FAM184A: variants seen among roughly 807,000 people sequenced by gnomAD.
The protein encoded by FAM184A is family with sequence similarity 184 member A, also known as protein FAM184A.
In FAM184A, 99 loss-of-function variants were observed where a neutral mutation model predicts 143.8. That is an observed-to-expected ratio of 0.69 (90% confidence interval 0.58 to 0.81). The LOEUF is 0.81. Ranked by LOEUF, FAM184A falls within the 40% of genes least tolerant of loss-of-function variation. FAM184A has a pLI of 0.00. For missense variants in FAM184A, 1,217 were observed against 1,310.5 expected, an observed-to-expected ratio of 0.93 and a Z score of 1.10; for synonymous variants, 427 against 446.4, an observed-to-expected ratio of 0.96 and a Z score of 0.55.
intron 1 of FAM184A, among the ~76,000 whole-genome samples, chr6:119,099,482 T>G (rs1788588548): frequency 6.6e-6 from 1 of 151,794 alleles, no homozygotes; most frequent in Non-Finnish European, 1.5e-5. Context: ...CTAAGAGGAG[T>G]CCCTGCTCCA....
chr6:119,144,611 C>G (rs1247160625), intron 1 of FAM184A, among the ~76,000 whole-genome samples: 2 of 152,218 alleles, frequency 1.3e-5, no homozygotes, highest in African/African-American at 2.4e-5. Flanking sequence ...CAAACTCTTT[C>G]TTTGCTAGTA....
chr6:118,987,384 T>A (rs1784227642), intron 9 of FAM184A, among the ~76,000 whole-genome samples: 1 of 152,232 alleles, frequency 6.6e-6, no homozygotes. Flanking sequence ...CAATTCTGTG[T>A]CATCTAATTT....
intron 1 of FAM184A, among the ~76,000 whole-genome samples, chr6:119,042,853 G>A (rs190454273): frequency 6.6e-6 from 1 of 152,006 alleles, no homozygotes; most frequent in African/African-American, 2.4e-5. Context: ...GGAGAAAAGG[G>A]GATGGGAACT....
chr6:119,144,171 CA>C (rs55990833), intron 1 of FAM184A, among the ~76,000 whole-genome samples: 1 of 144,306 alleles, frequency 6.9e-6, no homozygotes, highest in Non-Finnish European at 1.5e-5. Flanking sequence ...ACTAAAAATA[CA>C]AAAAAAAAAA....
chr6:119,142,381 G>A (rs1772274918), intron 1 of FAM184A, among the ~76,000 whole-genome samples: 1 of 152,176 alleles, frequency 6.6e-6, no homozygotes, highest in Admixed American at 6.5e-5. Context: ...GTATTCTTCA[G>A]AGACCAAAGG....
chr6:119,129,177 T>A (rs1184863383), intron 1 of FAM184A, among the ~76,000 whole-genome samples: 1 of 152,152 alleles, frequency 6.6e-6, no homozygotes, highest in African/African-American at 2.4e-5. Flanking sequence ...ATGTATTGAT[T>A]TATGTCTTTG....
At chr6:119,059,844 G>A (rs767904857) in intron 1 of FAM184A, among the ~76,000 whole-genome samples, 4 of 151,850 alleles carry the variant, frequency 2.6e-5, no homozygotes, top group East Asian at 1.9e-4. Context: ...ATATATCTAC[G>A]CTCACAAGTA....
intron 1 of FAM184A, among the ~76,000 whole-genome samples, chr6:119,034,041 T>TAGAGAG (rs57162948): frequency 6.7e-4 from 28 of 41,998 alleles, no homozygotes; most frequent in African/African-American, 2.7e-3. Flanking sequence ...TATATATATA[T>TAGAGAG]AGAGAGAGAG....
At chr6:119,025,359 T>C (rs1238805487) in intron 1 of FAM184A, 6 of 474,226 alleles carry the variant, frequency 1.3e-5, no homozygotes, top group Non-Finnish European at 2.1e-5. Context: ...AATTCCCCTA[T>C]AGTTTGCTTC....
At chr6:118,962,081 A>G in intron 16 of FAM184A, 118 bp from the exon 17 acceptor site, 1 of 930,276 alleles carries the variant, frequency 1.1e-6, no homozygotes, top group South Asian at 1.5e-5. Flanking sequence ...TGTTAAATTA[A>G]AATGTTAATT....
At chr6:119,030,845 T>C (rs1235957920) in intron 1 of FAM184A, among the ~76,000 whole-genome samples, 2 of 152,088 alleles carry the variant, frequency 1.3e-5, no homozygotes, top group African/African-American at 2.4e-5. Context: ...GCACTTTTTA[T>C]GGAACTATGA....
At chr6:119,131,283 A>G (rs545686773) in intron 1 of FAM184A, among the ~76,000 whole-genome samples, 4 of 152,310 alleles carry the variant, frequency 2.6e-5, no homozygotes, top group Non-Finnish European at 5.9e-5. Flanking sequence ...TTATCCTAAA[A>G]TATTCTTCTG....
chr6:119,113,104 G>C lies in FAM184A; in HGVS notation c.-202+35974C>G, dbSNP rs115241534. Among the ~76,000 whole-genome samples the C allele has an allele frequency of 7.7e-3, 1,170 of 152,296 alleles. 13 individuals carry two copies. The highest frequency in any genetic ancestry group is 0.028 in the African/African-American group (1,144 of 41,564). ...ATGGCTGCAGCCACTGACTGAGCATGACAGGGTACTACTGCCAGCCCATTT... is the reference window on the plus strand; with the variant it reads ...ATGGCTGCAGCCACTGACTGAGCATCACAGGGTACTACTGCCAGCCCATTT... On this transcript the variant is annotated intron_variant, in intron 1 of 16. Transcript: ENST00000352896.
chr6:119,095,897 C>A (rs1294256070), intron 1 of FAM184A, among the ~76,000 whole-genome samples: 1 of 152,088 alleles, frequency 6.6e-6, no homozygotes, highest in Non-Finnish European at 1.5e-5. Flanking sequence ...ACTTCCAGTC[C>A]ATCTTCCATT....
chr6:118,969,662 GTTT>G (rs1032565174), intron 14 of FAM184A, among the ~76,000 whole-genome samples: 2 of 151,868 alleles, frequency 1.3e-5, no homozygotes, highest in African/African-American at 2.4e-5. Context: ...GTTTTGTTTT[GTTT>G]TTTAATTATA....
upstream of FAM184A, chr6:119,078,730 G>C (rs962232854): frequency 6.5e-6 from 1 of 153,836 alleles, no homozygotes; most frequent in African/African-American, 2.4e-5. This position sits in a 1 kb window ranked among gnomAD's most constrained non-coding sequence, Gnocchi z 5.5. Context: ...GAGGACGCGG[G>C]AGCCGCCGTT....
intron 1 of FAM184A, among the ~76,000 whole-genome samples, chr6:119,136,413 A>G (rs1789668589): frequency 6.6e-6 from 1 of 151,952 alleles, no homozygotes; most frequent in Non-Finnish European, 1.5e-5. Flanking sequence ...CAATATGTGT[A>G]TGTATTTTAG....
intron 1 of FAM184A, among the ~76,000 whole-genome samples, chr6:119,068,428 T>G (rs561064505): frequency 1.3e-5 from 2 of 152,158 alleles, no homozygotes; most frequent in South Asian, 4.1e-4. Flanking sequence ...ACAAACTGAC[T>G]TCTCTCTCCT....
At chr6:118,994,048 G>C (rs969094753) in intron 9 of FAM184A, among the ~76,000 whole-genome samples, 6 of 152,158 alleles carry the variant, frequency 3.9e-5, no homozygotes, top group South Asian at 2.1e-4. Context: ...TGCCCGCTCT[G>C]CTCAGAATGC....
Sources: gnomAD v4.1 joint callset for allele counts (sites outside exome capture counted in the v4.1 genomes callset) on GRCh38, gnomAD v4.1.1 for gene constraint, Gnocchi (gnomAD v3.1) non-coding constraint, MANE v1.5 for transcripts, NCBI Gene and HGNC (gene_info 2026-07-23, HGNC 2026-07-21) for gene names.